INPP4B: variants seen among roughly 807,000 people sequenced by gnomAD.
INPP4B encodes inositol polyphosphate-4-phosphatase type II B, also known as inositol polyphosphate 4-phosphatase type II.
In INPP4B, 55 loss-of-function variants were observed where a neutral mutation model predicts 122.5. The observed-to-expected ratio is 0.45, with a 90% confidence interval of 0.36 to 0.56. INPP4B has a LOEUF of 0.56. Ranked by LOEUF, INPP4B falls within the 20% of genes least tolerant of loss-of-function variation. The pLI, the probability that INPP4B is intolerant of heterozygous loss-of-function variation, is 0.00. For synonymous variants in INPP4B, 403 were observed against 388.7 expected (o/e 1.04, Z -0.43); for missense variants, 1,000 against 1,097.7 (o/e 0.91, Z 1.26).
At chr4:142,072,880 A>G (rs1251728791) in intron 25 of INPP4B, among the ~76,000 whole-genome samples, 1 of 152,030 alleles carries the variant, frequency 6.6e-6, no homozygotes, top group African/African-American at 2.4e-5. Flanking sequence ...ATTTCTTTAT[A>G]TATGTTGTTT....
chr4:142,360,890 A>T (rs1785162832), intron 7 of INPP4B, among the ~76,000 whole-genome samples: 1 of 151,984 alleles, frequency 6.6e-6, no homozygotes, highest in Non-Finnish European at 1.5e-5. Flanking sequence ...CTTTTGTTGT[A>T]AGAGCTGAAT....
chr4:142,299,273 A>AAAAACGGATCCTCCC (rs1391177932), intron 9 of INPP4B, among the ~76,000 whole-genome samples: 3 of 150,800 alleles, frequency 2.0e-5, no homozygotes, highest in Admixed American at 2.0e-4. Flanking sequence ...GGGATCCTCC[A>AAAAACGGATCCTCCC]ACCACAGCCT....
intron 21 of INPP4B, among the ~76,000 whole-genome samples, chr4:142,117,882 A>G (rs1794499966): frequency 6.6e-6 from 1 of 152,188 alleles, no homozygotes; most frequent in Non-Finnish European, 1.5e-5. Context: ...ATGATTGTAT[A>G]TCTAGAAAAC....
At chr4:142,530,578 T>TATATATATATAC (rs1491512256) in intron 2 of INPP4B, among the ~76,000 whole-genome samples, 4 of 109,584 alleles carry the variant, frequency 3.7e-5, no homozygotes, top group African/African-American at 1.3e-4. Context: ...TATATATATA[T>TATATATATATAC]ACACACACAC....
chr4:142,489,768 T>G (rs895288163), intron 2 of INPP4B, among the ~76,000 whole-genome samples: 4 of 152,104 alleles, frequency 2.6e-5, no homozygotes, highest in Non-Finnish European at 5.9e-5. Context: ...ACTATGGGCA[T>G]TTGTGTATTC....
chr4:142,548,421 T>C (rs1157319865), intron 2 of INPP4B, among the ~76,000 whole-genome samples: 2 of 152,152 alleles, frequency 1.3e-5, no homozygotes, highest in African/African-American at 4.8e-5. Flanking sequence ...GAAATACAAA[T>C]GAAAAGATCA....
At chr4:142,136,105 T>C (rs1015905035) in intron 18 of INPP4B, among the ~76,000 whole-genome samples, 3 of 152,184 alleles carry the variant, frequency 2.0e-5, no homozygotes, top group Non-Finnish European at 4.4e-5. Context: ...AGGGTGCTTT[T>C]TATTTACTCT....
At chr4:142,657,664 A>G (rs1321103954) in intron 2 of INPP4B, among the ~76,000 whole-genome samples, 1 of 152,242 alleles carries the variant, frequency 6.6e-6, no homozygotes, top group African/African-American at 2.4e-5. Context: ...GGTTCAAAGA[A>G]GTGGTGAAAG....
At chr4:142,189,041 T>C (rs1221251296) in intron 15 of INPP4B, among the ~76,000 whole-genome samples, 2 of 152,178 alleles carry the variant, frequency 1.3e-5, no homozygotes, top group Non-Finnish European at 2.9e-5. Context: ...GATTTTCCCC[T>C]TTTTATGCAA....
rs1313116017 is a variant in INPP4B, at chr4:142,244,596, C to A, written c.689-6585G>T. Among the ~76,000 whole-genome samples, 3 of 151,988 alleles carry A rather than the reference C, an allele frequency of 2.0e-5. No homozygotes were observed. The South Asian group carries it at 6.2e-4, about 32-fold the overall frequency. Reference sequence around the variant, plus strand: ...GGGATTACAGGTGTGAGCCACCATGCCCAGCCCACATTTTCTTCATCCAGT... The same window carrying A: ...GGGATTACAGGTGTGAGCCACCATGACCAGCCCACATTTTCTTCATCCAGT... On this transcript the variant is annotated intron_variant, in intron 11 of 25. Transcript: ENST00000262992.
intron 1 of INPP4B, among the ~76,000 whole-genome samples, chr4:142,791,214 A>G (rs1776515426): frequency 6.6e-6 from 1 of 152,242 alleles, no homozygotes; most frequent in East Asian, 1.9e-4. Flanking sequence ...TTTTATCACC[A>G]AAGCTTAATT....
intron 15 of INPP4B, among the ~76,000 whole-genome samples, chr4:142,192,321 G>C (rs1381028206): frequency 5.0e-5 from 1 of 20,076 alleles, no homozygotes; most frequent in Non-Finnish European, 1.9e-4. Context: ...ACATACCCTT[G>C]GAATCTAAAA....
At chr4:142,138,651 G>T (rs180880772) in intron 18 of INPP4B, among the ~76,000 whole-genome samples, 11 of 152,250 alleles carry the variant, frequency 7.2e-5, no homozygotes, top group African/African-American at 2.6e-4. Context: ...CACTAGCTCT[G>T]TGATCTTAGG....
chr4:142,438,302 T>A (rs1157864576), intron 3 of INPP4B, among the ~76,000 whole-genome samples: 1 of 152,176 alleles, frequency 6.6e-6, no homozygotes, highest in Non-Finnish European at 1.5e-5. Context: ...CTTCTAACTA[T>A]ACTACAAGGC....
intron 3 of INPP4B, among the ~76,000 whole-genome samples, chr4:142,461,694 GA>G (rs1465144525): frequency 6.6e-6 from 1 of 152,086 alleles, no homozygotes; most frequent in Non-Finnish European, 1.5e-5. Context: ...AGGTACAAAA[GA>G]AACTTCTTAA....
At chr4:142,785,359 G>C (rs1243477995) in intron 1 of INPP4B, among the ~76,000 whole-genome samples, 3 of 151,924 alleles carry the variant, frequency 2.0e-5, no homozygotes, top group African/African-American at 7.2e-5. Flanking sequence ...ATGAGATTCA[G>C]ATAAAACAGT....
At chr4:142,111,482 G>C (rs1196344854) in intron 22 of INPP4B, among the ~76,000 whole-genome samples, 5 of 151,662 alleles carry the variant, frequency 3.3e-5, no homozygotes, top group Non-Finnish European at 7.4e-5. Flanking sequence ...AAATAGCTGA[G>C]ATTACAGGCA....
At chr4:142,687,184 T>A (rs962176873) in intron 2 of INPP4B, among the ~76,000 whole-genome samples, 1 of 151,996 alleles carries the variant, frequency 6.6e-6, no homozygotes, top group Non-Finnish European at 1.5e-5. Context: ...TGACGAGGAA[T>A]CAAGAATGTG....
At chr4:142,749,391 A>C (rs1769299254) in intron 1 of INPP4B, among the ~76,000 whole-genome samples, 1 of 150,410 alleles carries the variant, frequency 6.6e-6, no homozygotes, top group Non-Finnish European at 1.5e-5. Flanking sequence ...AACTTCAAAA[A>C]AGTAACCAAG....
Sources: gnomAD v4.1 joint callset for allele counts (sites outside exome capture counted in the v4.1 genomes callset) on GRCh38, gnomAD v4.1.1 for gene constraint, MANE v1.5 for transcripts, NCBI Gene and HGNC (gene_info 2026-07-23, HGNC 2026-07-21) for gene names.